The following SYCP2 variants were observed in gnomAD, a reference collection of about 807,000 sequenced individuals.
The protein encoded by SYCP2 is synaptonemal complex lateral element protein.
In SYCP2, 55 loss-of-function variants were observed where a neutral mutation model predicts 211.3. That is an observed-to-expected ratio of 0.26 (90% CI 0.21 to 0.33). The LOEUF is 0.33. SYCP2 is among the 10% of genes least tolerant of loss of function. SYCP2 has a pLI of 1.00. For missense variants in SYCP2, 1,731 were observed against 1,752.0 expected (o/e 0.99, Z 0.21); for synonymous variants, 570 against 555.2 (o/e 1.03, Z -0.37).
chr20:59,877,313 C>T, intron 33 of SYCP2, 72 bp downstream of exon 33: 1 of 1,042,144 alleles, frequency 9.6e-7, no homozygotes, highest in Non-Finnish European at 1.3e-6. Context: ...ATAAATTTGA[C>T]ATTTTTTACA....
chr20:59,896,189 C>T (rs956199373), intron 19 of SYCP2, among the ~76,000 whole-genome samples: 3 of 152,048 alleles, frequency 2.0e-5, no homozygotes, highest in Non-Finnish European at 4.4e-5. Flanking sequence ...GTAAGATATG[C>T]TGTGTCCTGC....
chr20:59,867,714 A>C lies in SYCP2; in HGVS notation c.4122T>G (p.Asn1374Lys), dbSNP rs1208165131. 1.9e-6 allele frequency: 3 copies of C among 1,605,082 alleles called. No homozygotes were observed. The South Asian group carries it at 3.3e-5, about 18-fold the overall frequency. ...CATAATTTAAAGAATAACTCACATT[A>C]TTCCTTCTCTTAAATTCTGAATTGA... ...ERLNSEFKRR[N>K]NIRHKMLSYF... The change falls in exon 39 of 45, where the codon AAT becomes AAG. Residue 1374 changes from asparagine to lysine, a missense_variant. By Grantham distance (94) the Asn-to-Lys change is moderately conservative (BLOSUM62 0). This residue lies in a region of SYCP2 where 1,387 missense variants were observed against 1,351.3 expected (regional missense o/e 1.03). Transcript: ENST00000357552.
At chr20:59,893,308 T>C (rs2059944796) in intron 21 of SYCP2, 109 bp from the exon 22 acceptor site, 4 of 798,258 alleles carry the variant, frequency 5.0e-6, no homozygotes, top group East Asian at 2.7e-5. Context: ...GATGAACGGA[T>C]TGATCGATTT....
At chr20:59,914,309 A>G (rs1568973643) in intron 10 of SYCP2, 58 bp from the exon 11 acceptor site, 6 of 1,043,804 alleles carry the variant, frequency 5.7e-6, no homozygotes, top group East Asian at 2.6e-5. Flanking sequence ...TTTATAAAAG[A>G]CCATATATTT....
At chr20:59,867,029 A>AG (rs938604468) in intron 39 of SYCP2, among the ~76,000 whole-genome samples, 1 of 141,528 alleles carries the variant, frequency 7.1e-6, no homozygotes, top group Non-Finnish European at 1.5e-5. Flanking sequence ...AAAAAAAAAA[A>AG]AAAAAAGAAA....
chr20:59,905,277 A>C (rs1436947369), intron 15 of SYCP2, among the ~76,000 whole-genome samples: 1 of 152,202 alleles, frequency 6.6e-6, no homozygotes, highest in South Asian at 2.1e-4. Flanking sequence ...CCTGAGAAAT[A>C]AAAACATATT....
chr20:59,927,746 A>T (rs905092016), intron 2 of SYCP2, among the ~76,000 whole-genome samples: 2 of 152,062 alleles, frequency 1.3e-5, no homozygotes, highest in Admixed American at 1.3e-4. Context: ...AATTTACATC[A>T]CCACTGAGGA....
chr20:59,921,065 G>A (rs1168794491), intron 4 of SYCP2, among the ~76,000 whole-genome samples: 1 of 151,552 alleles, frequency 6.6e-6, no homozygotes, highest in Non-Finnish European at 1.5e-5. Flanking sequence ...TTCAGCCACA[G>A]TTAATAGTAA....
chr20:59,878,709 T>C (rs1433743248), intron 31 of SYCP2, among the ~76,000 whole-genome samples: 1 of 152,150 alleles, frequency 6.6e-6, no homozygotes, highest in African/African-American at 2.4e-5. Flanking sequence ...TAATGAGATT[T>C]ATAAAATATC....
In SYCP2 at chr20:59,901,684, AT is replaced by A; in HGVS notation, c.1159del (p.Ile387PhefsTer35). The A allele has an allele frequency of 1.9e-6, 3 of 1,581,904 alleles. No homozygotes were observed. Among genetic ancestry groups the A allele is most frequent in the Non-Finnish European group, 2.6e-6 (3 of 1,162,676 alleles). On this transcript the variant is annotated frameshift_variant, in exon 16 of 45. Transcript: ENST00000357552. LOFTEE classifies it high-confidence loss of function. Reference sequence around the variant, plus strand: ...TACCCTATGTTTAGTTGCACCAAAAATTTTTTGAGTTACATTAGTGATTTCT... The same window carrying A: ...TACCCTATGTTTAGTTGCACCAAAAATTTTTGAGTTACATTAGTGATTTCT... ...SLEITNVTQKIFGATKHRESI... is the reference protein window; with the variant it reads ...SLEITNVTQKXFGATKHRESI...
intron 32 of SYCP2, 144 bp downstream of exon 32, chr20:59,877,864 C>A: frequency 3.0e-6 from 2 of 657,538 alleles, no homozygotes; most frequent in East Asian, 2.8e-5. Context: ...TAAAAAGAAA[C>A]AGGAGAAAGT....
rs545635575 is a variant in SYCP2, at chr20:59,890,398, G to T, written c.2364+1592C>A. ...GAACATCACACACTGGGGCCTGTTGGGGGGTGGAGGCCTAGGGGAGGGATA... is the reference window on the plus strand; with the variant it reads ...GAACATCACACACTGGGGCCTGTTGTGGGGTGGAGGCCTAGGGGAGGGATA... On this transcript the variant is annotated intron_variant, in intron 24 of 44. Coordinates refer to ENST00000357552, the MANE Select transcript of SYCP2 (RefSeq NM_014258.4). Among the ~76,000 whole-genome samples the T allele has an allele frequency of 7.9e-5, 12 of 152,170 alleles. No homozygotes were observed. In the East Asian group the frequency reaches 1.4e-3, roughly 17 times the overall value.
chr20:59,883,348 C>CCAAA lies in SYCP2; in HGVS notation c.2530-1187_2530-1184dup, dbSNP rs372545255. On this transcript the variant is annotated intron_variant, in intron 26 of 44. Coordinates refer to ENST00000357552, the MANE Select transcript of SYCP2 (RefSeq NM_014258.4). Reference sequence around the variant, plus strand: ...TGGGGGACAGAGCAAGACTCTGTCTCCAAACAAACAAACAAACAAACAAAC... The same window carrying CCAAA: ...TGGGGGACAGAGCAAGACTCTGTCTCCAAACAAACAAACAAACAAACAAACAAAC... Among the ~76,000 whole-genome samples, 344 of 151,876 alleles carry CCAAA rather than the reference C, an allele frequency of 2.3e-3. 4 individuals are homozygous for CCAAA. The South Asian group carries it at 0.026, about 12-fold the overall frequency.
chr20:59,875,213 T>C, intron 34 of SYCP2, 58 bp downstream of exon 34: 3 of 1,104,420 alleles, frequency 2.7e-6, no homozygotes, highest in Non-Finnish European at 3.9e-6. Context: ...TTTCCCATAA[T>C]TAGAGTTATA....
At chr20:59,919,468 T>C (rs370851672) in intron 6 of SYCP2, 25 bp downstream of exon 6, 3 of 1,420,360 alleles carry the variant, frequency 2.1e-6, no homozygotes, top group African/African-American at 1.4e-5. Flanking sequence ...TTTATAAATA[T>C]CAGTGTAATC....
Position 59,877,371 on chromosome 20 carries a change from C to A in SYCP2, c.3150+14G>T. On this transcript the variant is annotated intron_variant, in intron 33 of 44. Coordinates refer to ENST00000357552, the MANE Select transcript of SYCP2 (RefSeq NM_014258.4). The stretch of plus-strand genomic sequence containing the variant: ...AGAGGCTTTTAGAAATTAATCTGAA[C>A]TGTATCTATTTACCTTTACTGGTAT... The A allele has an allele frequency of 2.6e-6, 4 of 1,520,684 alleles. No homozygotes were observed. The highest frequency in any genetic ancestry group is 3.5e-6 in the Non-Finnish European group (4 of 1,140,272). The allele number at this position is 1,520,684 out of a possible 1,614,324, so 94.2% of individuals were successfully genotyped here.
chr20:59,886,352 CAT>C (rs1245144604), intron 25 of SYCP2, among the ~76,000 whole-genome samples: 2 of 151,884 alleles, frequency 1.3e-5, no homozygotes, highest in African/African-American at 4.8e-5. Context: ...CAAAAAAACT[CAT>C]ATCTGGTTAA....
chr20:59,910,279 A>G (rs1006461996), intron 14 of SYCP2, among the ~76,000 whole-genome samples: 20 of 151,940 alleles, frequency 1.3e-4, no homozygotes, highest in Non-Finnish European at 2.4e-4. Flanking sequence ...GTCCCCCAGC[A>G]TCTTGATCAG....
intron 29 of SYCP2, 80 bp from the exon 30 acceptor site, chr20:59,881,103 C>T (rs2059670315): frequency 1.3e-6 from 1 of 798,296 alleles, no homozygotes. Context: ...ACAATTAGAC[C>T]TGAGTTTTCA....
Sources: allele counts gnomAD v4.1 joint callset (sites outside exome capture counted in the v4.1 genomes callset), GRCh38; gene constraint gnomAD v4.1.1; regional missense constraint gnomAD v4.1.1; transcripts MANE v1.5; gene names NCBI Gene and HGNC (gene_info 2026-07-23, HGNC 2026-07-21).